The following GLIS3 variants were observed in gnomAD, a reference collection of about 807,000 sequenced individuals.
The protein encoded by GLIS3 is zinc finger protein GLIS3.
Under a neutral mutation model 78.6 loss-of-function variants are expected in GLIS3, and 53 were observed. That is an observed-to-expected ratio of 0.67 (90% CI 0.54 to 0.85). The LOEUF is 0.85. Ranked by LOEUF, GLIS3 falls within the 40% of genes least tolerant of loss-of-function variation. The probability of loss-of-function intolerance (pLI) is 0.00; values close to 1 mark genes in which losing one functional copy is unlikely to be tolerated. For synonymous variants in GLIS3, 684 were observed against 509.9 expected, an observed-to-expected ratio of 1.34 and a Z score of -4.60; for missense variants, 1,703 against 1,231.1, an observed-to-expected ratio of 1.38 and a Z score of -5.74.
chr9:4,160,100 C>G (rs1338198124), intron 2 of GLIS3, among the ~76,000 whole-genome samples: 1 of 152,186 alleles, frequency 6.6e-6, no homozygotes, highest in East Asian at 1.9e-4. Context: ...AAGGAGATAG[C>G]CTGCTAGAAA....
intron 8 of GLIS3, among the ~76,000 whole-genome samples, chr9:3,864,351 G>A (rs1820431124): frequency 6.6e-6 from 1 of 152,166 alleles, no homozygotes; most frequent in Non-Finnish European, 1.5e-5. Context: ...TGTCAGATGA[G>A]AAACAAGGCA....
chr9:4,402,553 G>T, the GLIS3 span, among the ~76,000 whole-genome samples: 52 of 152,258 alleles, frequency 3.4e-4, no homozygotes, highest in Admixed American at 2.1e-3. Flanking sequence ...CTATTTTGAG[G>T]AAACTTGAAG....
chr9:4,373,465 G>C, the GLIS3 span, among the ~76,000 whole-genome samples: 269 of 152,212 alleles, frequency 1.8e-3, no homozygotes, highest in Admixed American at 2.9e-3. Flanking sequence ...TCCAGCATTG[G>C]GGAACAAACT....
chr9:4,454,761 CA>C, the GLIS3 span, among the ~76,000 whole-genome samples: 1 of 152,158 alleles, frequency 6.6e-6, no homozygotes, highest in African/African-American at 2.4e-5. Flanking sequence ...TTCTCTCTCT[CA>C]TAATTTCACA....
At chr9:4,352,585 G>C (rs537367136), upstream of GLIS3, among the ~76,000 whole-genome samples, 27 of 152,368 alleles carry the variant, frequency 1.8e-4, no homozygotes, top group African/African-American at 6.0e-4. Context: ...TCTTGGGTTA[G>C]GCTACTTCTG....
chr9:3,946,371 T>G (rs1408450206), intron 4 of GLIS3, among the ~76,000 whole-genome samples: 1 of 152,234 alleles, frequency 6.6e-6, no homozygotes, highest in Admixed American at 6.5e-5. Flanking sequence ...CTTGTAAGAA[T>G]GCATATTGAT....
intron 2 of GLIS3, among the ~76,000 whole-genome samples, chr9:4,312,302 T>C (rs768831769): frequency 6.6e-6 from 1 of 152,074 alleles, no homozygotes; most frequent in Non-Finnish European, 1.5e-5. Flanking sequence ...ACCCCATCTC[T>C]ACTAAAAATA....
intron 4 of GLIS3, among the ~76,000 whole-genome samples, chr9:3,952,896 A>G (rs1002164664): frequency 6.6e-6 from 1 of 152,198 alleles, no homozygotes; most frequent in African/African-American, 2.4e-5. Context: ...CACTTCGTTT[A>G]GCAAGGTCCT....
At chr9:4,157,588 A>G (rs182678450) in intron 2 of GLIS3, among the ~76,000 whole-genome samples, 14 of 152,312 alleles carry the variant, frequency 9.2e-5, no homozygotes, top group African/African-American at 3.1e-4. Context: ...ATAATATGTT[A>G]TTATTACTAG....
chr9:3,828,491 A>C, intron 10 of GLIS3, 83 bp from the exon 11 acceptor site: 393 of 1,561,606 alleles, frequency 2.5e-4, no homozygotes, highest in Non-Finnish European at 3.2e-4. Context: ...AATGCAGCTC[A>C]CCAAGTGAGG....
intron 2 of GLIS3, among the ~76,000 whole-genome samples, chr9:4,239,149 C>T (rs1363496329): frequency 8.3e-6 from 1 of 120,026 alleles, no homozygotes; most frequent in Non-Finnish European, 1.6e-5. Context: ...AATAAACATA[C>T]ATGTGCATGC....
intron 2 of GLIS3, among the ~76,000 whole-genome samples, chr9:4,254,499 A>T (rs921895025): frequency 6.6e-6 from 1 of 152,222 alleles, no homozygotes; most frequent in Non-Finnish European, 1.5e-5. Flanking sequence ...AAATGTGCCA[A>T]AGTTTATCTG....
intron 6 of GLIS3, 72 bp downstream of exon 6, chr9:3,932,288 C>A: frequency 8.4e-7 from 1 of 1,191,266 alleles, no homozygotes; most frequent in South Asian, 1.2e-5. Flanking sequence ...AAGTGCCCTG[C>A]AGAAGCTTCG....
Position 3,856,105 on chromosome 9 carries a change from G to C in GLIS3, c.2377C>G (p.Gln793Glu). ...PAPSSILQRT[Q>E]PPYTQQPSGS... ...GATGGCTGCTGGGTATAGGGAGGCTGTGTTCTTTGCAGTATTGAAGAAGGA... is the reference window on the plus strand; with the variant it reads ...GATGGCTGCTGGGTATAGGGAGGCTCTGTTCTTTGCAGTATTGAAGAAGGA... The change falls in exon 9 of 11, where the codon CAG (glutamine) becomes GAG (glutamate). Residue 793 changes from glutamine (Q) to glutamate (E), a missense_variant. By Grantham distance (29) the Gln-to-Glu change is conservative. Coordinates refer to ENST00000381971, the MANE Select transcript of GLIS3 (RefSeq NM_001042413.2). 7 of 1,614,186 alleles carry C rather than the reference G, an allele frequency of 4.3e-6. No individual in the cohort carries two copies. The highest frequency in any genetic ancestry group is 5.9e-6 in the Non-Finnish European group (7 of 1,180,018).
chr9:4,234,577 T>C (rs992808544), intron 2 of GLIS3, among the ~76,000 whole-genome samples: 3 of 152,176 alleles, frequency 2.0e-5, no homozygotes, highest in Non-Finnish European at 2.9e-5. Context: ...ATAGATATTA[T>C]AATAACAACG....
the GLIS3 span, chr9:4,386,487 T>C: frequency 1.3e-5 from 2 of 152,190 alleles, no homozygotes; most frequent in African/African-American, 4.8e-5. Flanking sequence ...ATCATTCCAA[T>C]TTTAGTATAT....
intron 4 of GLIS3, among the ~76,000 whole-genome samples, chr9:3,960,708 G>A (rs547207303): frequency 1.3e-5 from 2 of 152,314 alleles, no homozygotes; most frequent in African/African-American, 4.8e-5. Context: ...CCAACCCTGG[G>A]CAGATGAGAG....
rs914326486 is a variant in GLIS3 at position 4,116,725 on chromosome 9, T to A, written c.1710+1043A>T. Among the ~76,000 whole-genome samples, 10 of 152,334 alleles carry A rather than the reference T, an allele frequency of 6.6e-5. 1 individual carries two copies. The South Asian group carries it at 2.1e-3, about 32-fold the overall frequency. Reference sequence around the variant, plus strand: ...TGGGGAACCACAGTACAAATAAATTTCTGTTTAAATTGATTTATATATTTC... The same window carrying A: ...TGGGGAACCACAGTACAAATAAATTACTGTTTAAATTGATTTATATATTTC... On this transcript the variant is annotated intron_variant, in intron 4 of 10. Transcript: ENST00000381971.
At chr9:3,967,355 T>G (rs1369491126) in intron 4 of GLIS3, among the ~76,000 whole-genome samples, 1 of 151,926 alleles carries the variant, frequency 6.6e-6, no homozygotes, top group Admixed American at 6.6e-5. Context: ...AATAGAAAAT[T>G]AGCCAGGCGT....
Sources: gnomAD v4.1 joint callset for allele counts (sites outside exome capture counted in the v4.1 genomes callset) on GRCh38, gnomAD v4.1.1 for gene constraint, MANE v1.5 for transcripts, NCBI Gene and HGNC (gene_info 2026-07-23, HGNC 2026-07-21) for gene names.